SEPTIN7: variants seen among roughly 807,000 people sequenced by gnomAD.
SEPTIN7 encodes the protein septin-7.
A neutral mutation model predicts 63.3 loss-of-function variants in SEPTIN7; 10 were observed. The ratio of observed to expected loss-of-function variants is 0.16; its 90% confidence interval spans 0.10 to 0.27. The LOEUF (loss-of-function observed/expected upper bound fraction) is 0.27, where lower values mean the gene tolerates loss of function less well. Among genes scored for constraint, SEPTIN7 ranks in the 10% least tolerant of loss-of-function variants. The pLI is 1.00. For missense variants in SEPTIN7, 310 were observed against 521.0 expected, an observed-to-expected ratio of 0.59 and a Z score of 3.94; for synonymous variants, 131 against 165.3, an observed-to-expected ratio of 0.79 and a Z score of 1.59.
chr7:35,859,125 A>G lies in SEPTIN7; in HGVS notation c.170-4427A>G, dbSNP rs116968145. Among the ~76,000 whole-genome samples the G allele has an allele frequency of 8.6e-3, 1,303 of 152,256 alleles. 14 individuals carry two copies. Among genetic ancestry groups the G allele is most frequent in the African/African-American group, 8.7e-3 (363 of 41,568 alleles). ...TTGTTTTTTTAAAATCTTCATTTTT[A>G]TATAAGTGTTTACAACTATAAATTT... is the stretch of plus-strand genomic sequence containing the variant. On this transcript the variant is annotated intron_variant, in intron 3 of 13. Transcript: ENST00000350320.
intron 6 of SEPTIN7, among the ~76,000 whole-genome samples, chr7:35,874,544 C>T (rs1464479218): frequency 6.6e-6 from 1 of 152,126 alleles, no homozygotes; most frequent in African/African-American, 2.4e-5. Context: ...ACTCCACCAT[C>T]TCTCCACCAA....
chr7:35,801,101 G>T lies in SEPTIN7; in HGVS notation c.-109G>T, dbSNP rs1787919477. 1.2e-6 allele frequency: 1 copy of T among 852,410 alleles called. No homozygotes were observed. Among genetic ancestry groups the T allele is most frequent in the East Asian group, 3.4e-5 (1 of 29,840 alleles). The allele number at this position is 852,410 out of a possible 1,614,324, so 52.8% of individuals were successfully genotyped here. A position where few individuals can be genotyped will look rare whatever the true frequency, so the allele number is the denominator to read the frequency against. On this transcript the variant is annotated 5_prime_UTR_variant, in exon 1 of 14. Transcript: ENST00000350320. ...GAGGAGTCCGCCTGCTGTAGCGTGCGTAAGCAAGGCAGCTACGCCGGGCGG... is the reference window on the plus strand; with the variant it reads ...GAGGAGTCCGCCTGCTGTAGCGTGCTTAAGCAAGGCAGCTACGCCGGGCGG...
chr7:35,836,037 A>G (rs1583532835), intron 3 of SEPTIN7, among the ~76,000 whole-genome samples: 2 of 152,302 alleles, frequency 1.3e-5, no homozygotes, highest in South Asian at 4.1e-4. Context: ...CCTAAGGTGT[A>G]ACTTTACAAT....
At chr7:35,913,503 C>T in the SEPTIN7 span, among the ~76,000 whole-genome samples, 1 of 147,392 alleles carries the variant, frequency 6.8e-6, no homozygotes, top group Admixed American at 6.9e-5. Context: ...TCCTTCCTTC[C>T]CTTCATTCCT....
intron 3 of SEPTIN7, among the ~76,000 whole-genome samples, chr7:35,861,766 G>T (rs1439320355): frequency 6.6e-6 from 1 of 152,180 alleles, no homozygotes; most frequent in Admixed American, 6.5e-5. Flanking sequence ...TGGCAGACCA[G>T]AGAGGTTAAA....
In SEPTIN7 at chr7:35,811,224, A is replaced by G. The variant is rs73692284; in HGVS notation, c.61+9954A>G. Among the ~76,000 whole-genome samples, 232 of 152,266 alleles carry G rather than the reference A, an allele frequency of 1.5e-3. 1 individual carries two copies. The highest frequency in any genetic ancestry group is 5.1e-3 in the African/African-American group (211 of 41,572). ...TTCCATTTATATATTTTTTTAAAAA[A>G]TAAGGAGAGTACCACCTTATTTATT... On this transcript the variant is annotated intron_variant, in intron 1 of 13. Coordinates refer to ENST00000350320, the MANE Select transcript of SEPTIN7 (RefSeq NM_001788.6).
At chr7:35,823,774 T>C (rs1381684383) in intron 1 of SEPTIN7, among the ~76,000 whole-genome samples, 1 of 152,228 alleles carries the variant, frequency 6.6e-6, no homozygotes, top group East Asian at 1.9e-4. Flanking sequence ...ATTGCTTGGA[T>C]GGCTGTTACG....
intron 7 of SEPTIN7, among the ~76,000 whole-genome samples, chr7:35,880,996 A>C (rs1786841598): frequency 6.6e-6 from 1 of 152,068 alleles, no homozygotes; most frequent in Admixed American, 6.6e-5. Flanking sequence ...AGCTTTATAT[A>C]ATATTTAAAA....
chr7:35,837,068 C>G (rs568752060), intron 3 of SEPTIN7, among the ~76,000 whole-genome samples: 9 of 152,218 alleles, frequency 5.9e-5, no homozygotes, highest in African/African-American at 2.2e-4. Flanking sequence ...TCACATAATT[C>G]CACATGTCCA....
At chr7:35,887,298 CAAT>C (rs1446383593) in intron 10 of SEPTIN7, among the ~76,000 whole-genome samples, 4 of 152,154 alleles carry the variant, frequency 2.6e-5, no homozygotes, top group Non-Finnish European at 2.9e-5. Context: ...AGTATACAAT[CAAT>C]AATTTCCTAC....
intron 10 of SEPTIN7, chr7:35,888,868 C>T (rs1454629397): frequency 5.1e-6 from 1 of 196,526 alleles, no homozygotes; most frequent in African/African-American, 3.1e-5. Flanking sequence ...ATTAAATAAA[C>T]ATTGTTTTAT....
chr7:35,803,343 A>T (rs1332771831), intron 1 of SEPTIN7, among the ~76,000 whole-genome samples: 4 of 152,218 alleles, frequency 2.6e-5, no homozygotes, highest in African/African-American at 9.7e-5. Context: ...AGGAATCCTT[A>T]CAGAACCTAG....
chr7:35,843,320 A>G (rs931936992), intron 3 of SEPTIN7, among the ~76,000 whole-genome samples: 1 of 152,076 alleles, frequency 6.6e-6, no homozygotes, highest in African/African-American at 2.4e-5. Flanking sequence ...TAACTCAGAC[A>G]TCTCATGCTA....
intron 11 of SEPTIN7, among the ~76,000 whole-genome samples, chr7:35,893,283 C>A (rs1422646438): frequency 6.6e-6 from 1 of 151,930 alleles, no homozygotes; most frequent in Non-Finnish European, 1.5e-5. Context: ...TTGAGAGTTG[C>A]AAGAATTTTG....
intron 4 of SEPTIN7, among the ~76,000 whole-genome samples, chr7:35,872,084 G>A (rs1786186821): frequency 6.6e-6 from 1 of 152,108 alleles, no homozygotes; most frequent in South Asian, 2.1e-4. Context: ...AGAATGTGGA[G>A]TATCACATTT....
At chr7:35,837,272 T>C (rs1177871937) in intron 3 of SEPTIN7, among the ~76,000 whole-genome samples, 1 of 152,212 alleles carries the variant, frequency 6.6e-6, no homozygotes, top group East Asian at 1.9e-4. Context: ...TATGTGTATC[T>C]GTAATGTTCT....
chr7:35,821,813 C>G (rs954723801), intron 1 of SEPTIN7, among the ~76,000 whole-genome samples: 1 of 152,208 alleles, frequency 6.6e-6, no homozygotes, highest in Non-Finnish European at 1.5e-5. Flanking sequence ...GAGTCTCACT[C>G]TGTCATACAG....
intron 1 of SEPTIN7, among the ~76,000 whole-genome samples, chr7:35,820,600 T>G (rs1313255889): frequency 6.6e-6 from 1 of 152,186 alleles, no homozygotes; most frequent in Non-Finnish European, 1.5e-5. Flanking sequence ...TATTATCTAT[T>G]TGATGAACAT....
chr7:35,838,265 C>A, intron 3 of SEPTIN7, among the ~76,000 whole-genome samples: 1 of 10,906 alleles, frequency 9.2e-5, no homozygotes, highest in East Asian at 2.4e-3. Context: ...TCCTTCCTTC[C>A]TTCCTTCCTT....
Sources: gnomAD v4.1 joint callset for allele counts (sites outside exome capture counted in the v4.1 genomes callset) on GRCh38, gnomAD v4.1.1 for gene constraint, MANE v1.5 for transcripts, NCBI Gene and HGNC (gene_info 2026-07-23, HGNC 2026-07-21) for gene names.